Variants in HS3ST4 observed in about 807,000 individuals in gnomAD.
The protein encoded by HS3ST4 is heparan sulfate-glucosamine 3-sulfotransferase 4.
Under a neutral mutation model 29.2 loss-of-function variants are expected in HS3ST4, and 17 were observed. The ratio of observed to expected loss-of-function variants is 0.58; its 90% CI spans 0.40 to 0.87. The LOEUF is 0.87. Ranked by LOEUF, HS3ST4 falls within the 40% of genes least tolerant of loss-of-function variation. The probability of loss-of-function intolerance (pLI) is 0.00; values close to 1 mark genes in which losing one functional copy is unlikely to be tolerated. For missense variants in HS3ST4, 627 were observed against 634.5 expected (o/e 0.99, Z 0.13); for synonymous variants, 314 against 285.7 (o/e 1.10, Z -1.00).
chr16:25,711,397 C>A (rs1392933077), intron 1 of HS3ST4, among the ~76,000 whole-genome samples: 1 of 152,024 alleles, frequency 6.6e-6, no homozygotes, highest in Non-Finnish European at 1.5e-5. Flanking sequence ...TCCCTTCCGC[C>A]TGGGCTATTT....
intron 1 of HS3ST4, among the ~76,000 whole-genome samples, chr16:26,111,737 G>A (rs1471791783): frequency 6.6e-6 from 1 of 151,728 alleles, no homozygotes. Context: ...TTATCTTTTG[G>A]GTCAGGTGCA....
intron 1 of HS3ST4, among the ~76,000 whole-genome samples, chr16:26,028,272 C>CA (rs57920476): frequency 0.098 from 4,598 of 47,038 alleles, 396 homozygotes; most frequent in East Asian, 0.32. Flanking sequence ...GACACCGTCT[C>CA]AAAAAAAAAA....
chr16:26,059,391 GC>G (rs1898448923), intron 1 of HS3ST4, among the ~76,000 whole-genome samples: 1 of 151,808 alleles, frequency 6.6e-6, no homozygotes, highest in Non-Finnish European at 1.5e-5. Flanking sequence ...AATTCACCAA[GC>G]CAGAAAAGGC....
chr16:26,011,602 C>T (rs970704792), intron 1 of HS3ST4, among the ~76,000 whole-genome samples: 6 of 152,084 alleles, frequency 3.9e-5, no homozygotes, highest in African/African-American at 1.4e-4. Context: ...TACATGACCA[C>T]GTACAATAAA....
intron 1 of HS3ST4, among the ~76,000 whole-genome samples, chr16:25,752,194 C>T (rs886515956): frequency 6.6e-6 from 1 of 152,116 alleles, no homozygotes; most frequent in Non-Finnish European, 1.5e-5. Context: ...ACTAATTACG[C>T]CAACTAATTA....
chr16:26,051,903 TC>T (rs1374075086), intron 1 of HS3ST4, among the ~76,000 whole-genome samples: 1 of 50,798 alleles, frequency 2.0e-5, no homozygotes, highest in Non-Finnish European at 3.9e-5. Context: ...CCTCCCTCCC[TC>T]CCTCCCTCCC....
At chr16:25,863,608 C>CT (rs1439858364) in intron 1 of HS3ST4, among the ~76,000 whole-genome samples, 6 of 148,892 alleles carry the variant, frequency 4.0e-5, no homozygotes, top group Non-Finnish European at 7.4e-5. Context: ...AAGAAATACT[C>CT]TATCTTGCTT....
At chr16:25,942,704 G>A (rs887131118) in intron 1 of HS3ST4, among the ~76,000 whole-genome samples, 8 of 149,734 alleles carry the variant, frequency 5.3e-5, no homozygotes, top group Non-Finnish European at 1.0e-4. Context: ...CTGCAGTCTC[G>A]AACTTCTGGG....
chr16:25,884,870 CG>C (rs1278441608), intron 1 of HS3ST4, among the ~76,000 whole-genome samples: 2 of 152,098 alleles, frequency 1.3e-5, no homozygotes, highest in Non-Finnish European at 2.9e-5. Flanking sequence ...CCACTGCGCC[CG>C]GCCGAGGTTA....
rs151278158 is a variant in HS3ST4 at position 25,791,092 on chromosome 16, CT to C, written c.734+97951del. 2.7e-3 allele frequency among the ~76,000 whole-genome samples: 409 copies of C among 149,022 alleles called. 2 individuals carry two copies. The highest frequency in any genetic ancestry group is 9.3e-3 in the African/African-American group (378 of 40,706). On this transcript the variant is annotated intron_variant, in intron 1 of 1. Coordinates refer to ENST00000331351, the MANE Select transcript of HS3ST4 (RefSeq NM_006040.3). ...AAGGCATGAAGTGGAGGCGAAGCAT[CT>C]TTTTTTTTTCTGATGGGGTATCCAT...
intron 1 of HS3ST4, among the ~76,000 whole-genome samples, chr16:25,747,274 A>G (rs1000130873): frequency 1.3e-5 from 2 of 152,222 alleles, no homozygotes; most frequent in African/African-American, 4.8e-5. Context: ...TCTAGCCATT[A>G]CAGGCTGGTG....
At chr16:25,894,399 G>C (rs1238319997) in intron 1 of HS3ST4, among the ~76,000 whole-genome samples, 2 of 152,250 alleles carry the variant, frequency 1.3e-5, no homozygotes, top group Middle Eastern at 6.8e-3. Flanking sequence ...AAGCAGATCC[G>C]AAAGCAGAGT....
intron 1 of HS3ST4, among the ~76,000 whole-genome samples, chr16:25,977,432 CTA>C (rs1454295360): frequency 6.6e-6 from 1 of 152,164 alleles, no homozygotes; most frequent in African/African-American, 2.4e-5. Context: ...CTCATCACAC[CTA>C]TGTCTTAATT....
intron 1 of HS3ST4, among the ~76,000 whole-genome samples, chr16:25,803,428 G>A (rs1276059761): frequency 2.0e-5 from 3 of 152,074 alleles, no homozygotes; most frequent in Non-Finnish European, 4.4e-5. Context: ...TTTGTTGTTC[G>A]TTGATCTGAG....
intron 1 of HS3ST4, among the ~76,000 whole-genome samples, chr16:25,696,371 C>A (rs115791688): frequency 6.6e-6 from 1 of 152,334 alleles, no homozygotes; most frequent in South Asian, 2.1e-4. Flanking sequence ...CAGAACTCAT[C>A]AAGGTGACAG....
chr16:25,774,564 T>C (rs1382678693), intron 1 of HS3ST4, among the ~76,000 whole-genome samples: 1 of 152,238 alleles, frequency 6.6e-6, no homozygotes, highest in East Asian at 1.9e-4. Context: ...TTATGAACTG[T>C]GTGACCTTGG....
intron 1 of HS3ST4, among the ~76,000 whole-genome samples, chr16:25,858,484 A>G (rs1967606210): frequency 1.3e-5 from 2 of 152,100 alleles, no homozygotes; most frequent in Admixed American, 1.3e-4. Context: ...TTCTTTTACA[A>G]ATGATTCTGC....
intron 1 of HS3ST4, among the ~76,000 whole-genome samples, chr16:26,135,299 G>T (rs1181493694): frequency 6.6e-6 from 1 of 152,076 alleles, no homozygotes; most frequent in Non-Finnish European, 1.5e-5. Flanking sequence ...CTGTTTCAGG[G>T]ATTATACAAC....
At chr16:26,108,961 A>G (rs1899092452) in intron 1 of HS3ST4, among the ~76,000 whole-genome samples, 2 of 152,136 alleles carry the variant, frequency 1.3e-5, no homozygotes, top group South Asian at 4.2e-4. Context: ...TGCCTGCCTG[A>G]CCCATCCTGC....
Sources: allele counts gnomAD v4.1 joint callset (sites outside exome capture counted in the v4.1 genomes callset), GRCh38; gene constraint gnomAD v4.1.1; transcripts MANE v1.5; gene names NCBI Gene and HGNC (gene_info 2026-07-23, HGNC 2026-07-21).